HCN1: variants seen among roughly 807,000 people sequenced by gnomAD.
HCN1 encodes the protein potassium/sodium hyperpolarization-activated cyclic nucleotide-gated channel 1.
In HCN1, 13 loss-of-function variants were observed where a neutral mutation model predicts 78.9. The observed-to-expected ratio is 0.16, with a 90% CI of 0.11 to 0.26. The LOEUF is 0.26. Among genes scored for constraint, HCN1 ranks in the 10% least tolerant of loss-of-function variants. The pLI, the probability that HCN1 is intolerant of heterozygous loss-of-function variation, is 1.00. For missense variants in HCN1, 810 were observed against 1,154.3 expected (o/e 0.70, Z 4.32); for synonymous variants, 552 against 455.5 (o/e 1.21, Z -2.70).
At chr5:45,283,398 A>G (rs1376888526) in intron 6 of HCN1, among the ~76,000 whole-genome samples, 1 of 152,192 alleles carries the variant, frequency 6.6e-6, no homozygotes, top group Non-Finnish European at 1.5e-5. Context: ...TATGTAGCTG[A>G]TAAGTCTAAT....
chr5:45,624,704 G>A (rs1191842092), intron 2 of HCN1, among the ~76,000 whole-genome samples: 2 of 151,920 alleles, frequency 1.3e-5, no homozygotes, highest in African/African-American at 4.8e-5. Context: ...GCTGGAGAGG[G>A]GCATTAGATG....
chr5:45,499,950 CACACAA>C (rs1274314031), intron 2 of HCN1, among the ~76,000 whole-genome samples: 1 of 152,100 alleles, frequency 6.6e-6, no homozygotes, highest in Non-Finnish European at 1.5e-5. Flanking sequence ...ACACATAAAA[CACACAA>C]ACACAGTCTG....
chr5:45,653,897 T>C (rs1329214065), intron 1 of HCN1, among the ~76,000 whole-genome samples: 1 of 152,022 alleles, frequency 6.6e-6, no homozygotes, highest in African/African-American at 2.4e-5. Context: ...TGTGCACATG[T>C]ACCCTAAAAC....
intron 6 of HCN1, among the ~76,000 whole-genome samples, chr5:45,269,260 A>G (rs1171347868): frequency 1.3e-5 from 2 of 152,204 alleles, no homozygotes; most frequent in Admixed American, 6.5e-5. Context: ...TTACTTAAAG[A>G]TATTTGAATT....
intron 4 of HCN1, among the ~76,000 whole-genome samples, chr5:45,366,840 C>A (rs1431468740): frequency 1.3e-5 from 2 of 151,692 alleles, no homozygotes; most frequent in East Asian, 3.9e-4. Context: ...ACCTGATTTT[C>A]TTTACATTCA....
intron 2 of HCN1, among the ~76,000 whole-genome samples, chr5:45,640,606 C>T (rs1745435411): frequency 6.8e-6 from 1 of 147,474 alleles, no homozygotes. Flanking sequence ...CGGAGTTTCA[C>T]TCTTGTCGCC....
At chr5:45,569,563 T>G (rs1743782808) in intron 2 of HCN1, among the ~76,000 whole-genome samples, 1 of 151,990 alleles carries the variant, frequency 6.6e-6, no homozygotes, top group African/African-American at 2.4e-5. Flanking sequence ...TTAATTTAAT[T>G]TAATCTCAAT....
intron 1 of HCN1, among the ~76,000 whole-genome samples, chr5:45,684,435 C>T (rs61357234): frequency 1.7e-3 from 259 of 152,242 alleles, no homozygotes; most frequent in African/African-American, 5.9e-3. Flanking sequence ...CATTCTAATT[C>T]ACTTACATGG....
intron 3 of HCN1, among the ~76,000 whole-genome samples, chr5:45,441,285 T>C (rs769747361): frequency 3.0e-4 from 46 of 151,964 alleles, no homozygotes; most frequent in Non-Finnish European, 5.9e-4. Context: ...TTATTATCAA[T>C]ATATTTGCCA....
Position 45,303,586 on chromosome 5 carries a change from C to G in HCN1, c.1618+13G>C, listed in dbSNP as rs1419814223. The G allele has an allele frequency of 2.5e-6, 4 of 1,612,870 alleles. No homozygotes were observed. In the South Asian group the frequency reaches 4.4e-5, roughly 18 times the overall value. On this transcript the variant is annotated intron_variant, in intron 6 of 7. Transcript: ENST00000303230. ...AGTTTAGATTTCATCTTAGTTGCAT[C>G]TTTTTTACTAACCTCCAAAGTAAGA...
rs1450000820 is a variant in HCN1, at chr5:45,276,503, A to T, written c.1619-9250T>A. ...ATATAGCTGTCAGATTTATAATTTA[A>T]AAAGAGTTCCTCATTTAGAAGAAGT... On this transcript the variant is annotated intron_variant, in intron 6 of 7. Transcript: ENST00000303230. Among the ~76,000 whole-genome samples, 10 of 152,212 alleles carry T rather than the reference A, an allele frequency of 6.6e-5. No individual in the cohort carries two copies. In the East Asian group the frequency reaches 1.9e-3, roughly 29 times the overall value.
chr5:45,305,600 C>A (rs1028010408), intron 5 of HCN1, among the ~76,000 whole-genome samples: 1 of 150,482 alleles, frequency 6.6e-6, no homozygotes, highest in African/African-American at 2.5e-5. Flanking sequence ...GGGTCTATAA[C>A]AATGTTCAGC....
intron 3 of HCN1, among the ~76,000 whole-genome samples, chr5:45,405,738 C>T (rs192153058): frequency 3.9e-5 from 6 of 152,102 alleles, no homozygotes; most frequent in South Asian, 2.1e-4. Context: ...CTATGATCTG[C>T]GTAAAAAACG....
At chr5:45,525,092 C>A (rs886471833) in intron 2 of HCN1, among the ~76,000 whole-genome samples, 1 of 152,006 alleles carries the variant, frequency 6.6e-6, no homozygotes, top group Non-Finnish European at 1.5e-5. Context: ...TGTCAAAGGC[C>A]TTTTCTGCCT....
chr5:45,617,654 C>T (rs937682234), intron 2 of HCN1, among the ~76,000 whole-genome samples: 1 of 152,004 alleles, frequency 6.6e-6, no homozygotes, highest in African/African-American at 2.4e-5. Flanking sequence ...GCCTTAATTT[C>T]CTTTTGTAAA....
intron 5 of HCN1, among the ~76,000 whole-genome samples, chr5:45,332,311 G>A (rs1746361295): frequency 1.3e-5 from 2 of 151,272 alleles, no homozygotes; most frequent in Admixed American, 6.6e-5. Flanking sequence ...CCATCCTCAA[G>A]GATTTATCCT....
intron 5 of HCN1, among the ~76,000 whole-genome samples, chr5:45,332,588 A>G (rs114495019): frequency 6.6e-6 from 1 of 151,078 alleles, no homozygotes; most frequent in Non-Finnish European, 1.5e-5. Context: ...TTTTTTTCTA[A>G]CTATCATTTT....
intron 4 of HCN1, 113 bp from the exon 5 acceptor site, chr5:45,353,359 A>G (rs970302683): frequency 2.2e-5 from 18 of 812,742 alleles, no homozygotes; most frequent in Non-Finnish European, 3.2e-5. Context: ...TACAAAAAAA[A>G]AGAAATCCTT....
In HCN1 at chr5:45,438,865, T is replaced by C. The variant is rs911814646; in HGVS notation, c.1011+22981A>G. 3.9e-5 allele frequency among the ~76,000 whole-genome samples: 6 copies of C among 152,258 alleles called. No homozygotes were observed. The South Asian group carries it at 6.2e-4, about 16-fold the overall frequency. On this transcript the variant is annotated intron_variant, in intron 3 of 7. Coordinates refer to ENST00000303230, the MANE Select transcript of HCN1 (RefSeq NM_021072.4). Reference sequence around the variant, plus strand: ...TAGAAAAAGGAATATACTCTTTAATTTGGTCTACAATAGTGACTAATATGT... The same window carrying C: ...TAGAAAAAGGAATATACTCTTTAATCTGGTCTACAATAGTGACTAATATGT...
Sources: allele counts gnomAD v4.1 joint callset (sites outside exome capture counted in the v4.1 genomes callset), GRCh38; gene constraint gnomAD v4.1.1; transcripts MANE v1.5; gene names NCBI Gene and HGNC (gene_info 2026-07-23, HGNC 2026-07-21).